SELENOW: variants seen among roughly 807,000 people sequenced by gnomAD.
The protein encoded by SELENOW is selenoprotein W, 1.
SELENOW carries 20 observed loss-of-function variants against 16.6 expected under a neutral mutation model. The ratio of observed to expected loss-of-function variants is 1.21; its 90% CI spans 0.85 to 1.76. The LOEUF is 1.76. SELENOW is among the 40% of genes most tolerant of loss of function. The pLI is 0.00. For synonymous variants in SELENOW, 44 were observed against 46.2 expected (o/e 0.95, Z 0.19); for missense variants, 124 against 111.0 (o/e 1.12, Z -0.53).
chr19:47,784,578 A>C lies in SELENOW; in HGVS notation c.*307A>C, dbSNP rs1967511920. 1 of 152,236 alleles carries C rather than the reference A, an allele frequency of 6.6e-6. No individual in the cohort carries two copies. Among genetic ancestry groups the C allele is most frequent in the Non-Finnish European group, 1.5e-5 (1 of 68,040 alleles). 9.4% of individuals were successfully genotyped at this position (152,236 alleles called of 1,614,324 possible). A position where few individuals can be genotyped will look rare whatever the true frequency, so the allele number is the denominator to read the frequency against. The stretch of plus-strand genomic sequence containing the variant: ...TTTGGGGGGACATCCCGCCTCAGGC[A>C]TCCTTCTCAAGGGGAAGCCAAGAGA... On this transcript the variant is annotated 3_prime_UTR_variant, in exon 6 of 6. Transcript: ENST00000601048.
At chr19:47,780,370 C>T in intron 1 of SELENOW, 1 of 401,726 alleles carries the variant, frequency 2.5e-6, no homozygotes, top group South Asian at 2.2e-5. Context: ...TCTCCTAATC[C>T]AGTTCTCCTG....
rs1030228490 is a variant in SELENOW at position 47,780,990 on chromosome 19, A to AG, written c.108+79dup. Reference sequence around the variant, plus strand: ...GTCCGTTAGGCCTGGATGGCACTGCAGGGGGGTTAGGTCAGCCCTACGCCC... The same window carrying AG: ...GTCCGTTAGGCCTGGATGGCACTGCAGGGGGGGTTAGGTCAGCCCTACGCCC... On this transcript the variant is annotated intron_variant, in intron 3 of 5. Transcript: ENST00000601048. 7.0e-6 allele frequency: 11 copies of AG among 1,569,184 alleles called. No individual in the cohort carries two copies. The African/African-American group carries it at 8.1e-5, about 12-fold the overall frequency.
Position 47,778,737 on chromosome 19 carries a change from T to A in SELENOW, c.-49T>A, listed in dbSNP as rs370516848. The A allele has an allele frequency of 3.5e-3, 5,511 of 1,581,012 alleles. 18 individuals are homozygous for A. The highest frequency in any genetic ancestry group is 6.1e-3 in the Middle Eastern group (36 of 5,946). On this transcript the variant is annotated 5_prime_UTR_variant, in exon 1 of 6. Transcript: ENST00000601048. ...GACCTAGCGCGTCCAGGTGGGAGGTTAGTGTGGCCCGGGCGTCCGCTCCTC... is the reference window on the plus strand; with the variant it reads ...GACCTAGCGCGTCCAGGTGGGAGGTAAGTGTGGCCCGGGCGTCCGCTCCTC...
At position 47,781,038 on chromosome 19, in the gene SELENOW, T is replaced by C. The variant is rs577060877; in HGVS notation, c.109-70T>C. 25 of 1,562,912 alleles carry C rather than the reference T, an allele frequency of 1.6e-5. No homozygotes were observed. In the South Asian group the frequency reaches 2.6e-4, roughly 16 times the overall value. ...CCCTTCACCCATGTTCTCATCCCCC[T>C]GGGAAGGGGAGGGTCTCCCCAAGAG... On this transcript the variant is annotated intron_variant, in intron 3 of 5. Transcript: ENST00000601048.
In SELENOW at chr19:47,780,770, G is replaced by GC. The variant is rs778855384; in HGVS notation, c.54+21_54+22insC. The GC allele has an allele frequency of 1.9e-6, 3 of 1,581,416 alleles. No individual in the cohort carries two copies. The Admixed American group carries it at 5.5e-5, about 29-fold the overall frequency. On this transcript the variant is annotated intron_variant, in intron 2 of 5. Coordinates refer to ENST00000601048, the MANE Select transcript of SELENOW (RefSeq NM_003009.4). Reference sequence around the variant, plus strand: ...CCAAGGTAAGCAGAGTGGATGCCCGGGGGGCATTCCTGGGAGCTGGGGAGG... The same window carrying GC: ...CCAAGGTAAGCAGAGTGGATGCCCGGCGGGGCATTCCTGGGAGCTGGGGAGG...
At chr19:47,780,699 C>T in intron 1 of SELENOW, 26 bp from the exon 2 acceptor site, 1 of 1,553,640 alleles carries the variant, frequency 6.4e-7, no homozygotes, top group East Asian at 2.4e-5. Context: ...TCCCCTGGGC[C>T]CCAATGTCTT....
At chr19:47,784,157 C>T (rs1274742249) in intron 5 of SELENOW, 133 bp from the exon 6 acceptor site, 1 of 152,354 alleles carries the variant, frequency 6.6e-6, no homozygotes, top group Non-Finnish European at 1.5e-5. Context: ...GCCTCAGCCT[C>T]ACAAAGTGCT....
At chr19:47,783,591 C>CCAA (rs1299240494) in intron 5 of SELENOW, 2 of 152,204 alleles carry the variant, frequency 1.3e-5, no homozygotes, top group African/African-American at 4.8e-5. Context: ...CACTGTGGAC[C>CCAA]CAAGTACCAG....
chr19:47,781,277 C>T lies in SELENOW; in HGVS notation c.184-13C>T. ...GTCCCAGCTCACCCCTTCCCTCTTC[C>T]TCCCCTCCCTAGAAAGGCGATGGCT... On this transcript the variant is annotated splice_polypyrimidine_tract_variant and intron_variant, in intron 4 of 5. Transcript: ENST00000601048. 1 of 1,611,884 alleles carries T rather than the reference C, an allele frequency of 6.2e-7. No individual in the cohort carries two copies. The highest frequency in any genetic ancestry group is 8.5e-7 in the Non-Finnish European group (1 of 1,178,010).
chr19:47,780,992 G>C (rs778500720), intron 3 of SELENOW, 75 bp downstream of exon 3: 1 of 1,570,056 alleles, frequency 6.4e-7, no homozygotes, highest in African/African-American at 1.4e-5. Flanking sequence ...GGCACTGCAG[G>C]GGGGTTAGGT....
intron 1 of SELENOW, chr19:47,779,846 C>A: frequency 5.6e-6 from 1 of 177,936 alleles, no homozygotes. Context: ...AATTTTAGTT[C>A]TATGTTACAG....
intron 5 of SELENOW, chr19:47,782,134 G>C (rs997359963): frequency 2.0e-5 from 3 of 152,656 alleles, no homozygotes; most frequent in Middle Eastern, 3.1e-3. Flanking sequence ...GACAGCGTCC[G>C]GCCAAGTTCC....
In SELENOW at chr19:47,784,626, T is replaced by C. The variant is rs1438569527; in HGVS notation, c.*355T>C. 2 of 152,244 alleles carry C rather than the reference T, an allele frequency of 1.3e-5. No individual in the cohort carries two copies. Among genetic ancestry groups the C allele is most frequent in the Non-Finnish European group, 2.9e-5 (2 of 68,048 alleles). The allele number at this position is 152,244 out of a possible 1,614,324, so 9.4% of individuals were successfully genotyped here. A position where few individuals can be genotyped will look rare whatever the true frequency, so the allele number is the denominator to read the frequency against. On this transcript the variant is annotated 3_prime_UTR_variant, in exon 6 of 6. Transcript: ENST00000601048. ...AGAGGCATCAGGATGGGTGGGTTTC[T>C]GATTGTGGCAACGTTTGCAACCGTT...
chr19:47,780,753 A>G lies in SELENOW; in HGVS notation c.54+4A>G. The G allele has an allele frequency of 6.4e-7, 1 of 1,558,982 alleles. No homozygotes were observed. Among genetic ancestry groups the G allele is most frequent in the Non-Finnish European group, 8.7e-7 (1 of 1,151,864 alleles). ...CGCTTGAGGCTACAAGTCCAAGGTAAGCAGAGTGGATGCCCGGGGGGCATT... is the reference window on the plus strand; with the variant it reads ...CGCTTGAGGCTACAAGTCCAAGGTAGGCAGAGTGGATGCCCGGGGGGCATT... On this transcript the variant is annotated splice_donor_region_variant and intron_variant, in intron 2 of 5. Transcript: ENST00000601048.
chr19:47,779,951 G>A (rs947781545), intron 1 of SELENOW: 1 of 277,144 alleles, frequency 3.6e-6, no homozygotes, highest in Non-Finnish European at 7.6e-6. Context: ...TGGGTTTGTC[G>A]GCAGCTTTCC....
rs1334778365 is a variant in SELENOW at position 47,778,796 on chromosome 19, C to G, written c.11C>G (p.Ala4Gly). Residue 4 changes from alanine to glycine, a missense_variant, in exon 1 of 6, where the codon GCC (alanine) becomes GGC (glycine). Transcript: ENST00000601048. ...TGGCAGCCCCGAGCCATGGCTCTCGCCGTCCGAGTCGTTTATTGGTAAGCC... is the reference window on the plus strand; with the variant it reads ...TGGCAGCCCCGAGCCATGGCTCTCGGCGTCCGAGTCGTTTATTGGTAAGCC... MAL[A>G]VRVVYCGAUG... 1 of 1,605,746 alleles carries G rather than the reference C, an allele frequency of 6.2e-7. No individual in the cohort carries two copies. Among genetic ancestry groups the G allele is most frequent in the Non-Finnish European group, 8.5e-7 (1 of 1,177,072 alleles).
chr19:47,778,973 A>G (rs1967440385), intron 1 of SELENOW, 159 bp downstream of exon 1: 1 of 652,274 alleles, frequency 1.5e-6, no homozygotes, highest in South Asian at 2.0e-5. Context: ...AGGGGCGAAA[A>G]ACAGAGGGCG....
chr19:47,781,286 C>T lies in SELENOW; in HGVS notation c.184-4C>T, dbSNP rs755705738. On this transcript the variant is annotated splice_region_variant and splice_polypyrimidine_tract_variant and intron_variant, in intron 4 of 5. Transcript: ENST00000601048. ...CACCCCTTCCCTCTTCCTCCCCTCC[C>T]TAGAAAGGCGATGGCTACGTGGACA... The T allele has an allele frequency of 6.2e-7, 1 of 1,613,172 alleles. No individual in the cohort carries two copies. The highest frequency in any genetic ancestry group is 1.1e-5 in the South Asian group (1 of 91,076).
At chr19:47,780,649 T>C (rs945784093) in intron 1 of SELENOW, 76 bp from the exon 2 acceptor site, 5 of 1,310,996 alleles carry the variant, frequency 3.8e-6, no homozygotes, top group Non-Finnish European at 5.4e-6. Context: ...ACACCGCCTG[T>C]GTCTACCCTC....
Sources: gnomAD v4.1 joint callset for allele counts on GRCh38, gnomAD v4.1.1 for gene constraint, MANE v1.5 for transcripts, NCBI Gene and HGNC (gene_info 2026-07-23, HGNC 2026-07-21) for gene names.